CLVS1: variants seen among roughly 807,000 people sequenced by gnomAD.
CLVS1 encodes clavesin 1, also known as clavesin-1.
Under a neutral mutation model 33.1 loss-of-function variants are expected in CLVS1, and 10 were observed. The ratio of observed to expected loss-of-function variants is 0.30; its 90% CI spans 0.19 to 0.51. CLVS1 has a LOEUF of 0.51. CLVS1 is among the 20% of genes least tolerant of loss of function. CLVS1 has a pLI of 0.97. For synonymous variants in CLVS1, 163 were observed against 166.1 expected (o/e 0.98, Z 0.14); for missense variants, 343 against 433.4 (o/e 0.79, Z 1.85).
chr8:61,013,599 A>G, the CLVS1 span, among the ~76,000 whole-genome samples: 1 of 152,220 alleles, frequency 6.6e-6, no homozygotes, highest in South Asian at 2.1e-4. Flanking sequence ...ATAAAAGATC[A>G]TACATTGATA....
At chr8:61,435,336 C>T (rs1336438297) in intron 3 of CLVS1, among the ~76,000 whole-genome samples, 1 of 152,158 alleles carries the variant, frequency 6.6e-6, no homozygotes, top group African/African-American at 2.4e-5. Context: ...ACTTCTGCTT[C>T]CTTCTCTTTG....
intron 2 of CLVS1, among the ~76,000 whole-genome samples, chr8:61,312,774 G>T (rs894803155): frequency 5.9e-5 from 9 of 152,062 alleles, no homozygotes; most frequent in African/African-American, 4.8e-5. Flanking sequence ...CGACAAAATC[G>T]CAAAGCTCGT....
At chr8:60,965,011 A>AT in the CLVS1 span, among the ~76,000 whole-genome samples, 1 of 152,268 alleles carries the variant, frequency 6.6e-6, no homozygotes, top group East Asian at 1.9e-4. Flanking sequence ...ATAGCTTCAT[A>AT]GATTCATGGG....
At chr8:60,979,211 G>A in the CLVS1 span, among the ~76,000 whole-genome samples, 1 of 152,184 alleles carries the variant, frequency 6.6e-6, no homozygotes, top group East Asian at 1.9e-4. Context: ...TATCTATAAA[G>A]GGGGGTTGTT....
chr8:61,343,980 T>C (rs1812114643), intron 2 of CLVS1, among the ~76,000 whole-genome samples: 1 of 152,188 alleles, frequency 6.6e-6, no homozygotes, highest in Non-Finnish European at 1.5e-5. Flanking sequence ...TACATACATA[T>C]ACACACATTC....
intron 2 of CLVS1, among the ~76,000 whole-genome samples, chr8:61,311,353 C>G (rs1172470409): frequency 6.6e-6 from 1 of 152,230 alleles, no homozygotes. Context: ...CAGATATACT[C>G]TACCACTCAC....
intron 2 of CLVS1, among the ~76,000 whole-genome samples, chr8:61,364,527 T>G (rs1171804359): frequency 6.6e-6 from 1 of 152,230 alleles, no homozygotes; most frequent in African/African-American, 2.4e-5. Flanking sequence ...AGCTCATTCC[T>G]TTTAATATTT....
intron 2 of CLVS1, among the ~76,000 whole-genome samples, chr8:61,152,815 G>A (rs1423031397): frequency 1.3e-5 from 2 of 152,200 alleles, no homozygotes; most frequent in Admixed American, 1.3e-4. Context: ...GGGGTTAGGG[G>A]TTCAATATAT....
At chr8:60,972,779 A>G in the CLVS1 span, among the ~76,000 whole-genome samples, 1 of 152,198 alleles carries the variant, frequency 6.6e-6, no homozygotes, top group African/African-American at 2.4e-5. Flanking sequence ...CCCCATGCCC[A>G]TCAAGCAATC....
intron 1 of CLVS1, among the ~76,000 whole-genome samples, chr8:61,105,687 A>G (rs1805520839): frequency 6.6e-6 from 1 of 152,158 alleles, no homozygotes. Context: ...GTATCATTGT[A>G]TTCTCTTTTC....
At chr8:61,112,767 C>G (rs181766280) in intron 1 of CLVS1, among the ~76,000 whole-genome samples, 9 of 151,994 alleles carry the variant, frequency 5.9e-5, no homozygotes, top group Non-Finnish European at 1.3e-4. Flanking sequence ...CTTGTGCCAC[C>G]AGCAGATGAC....
At chr8:61,033,051 GAA>G in the CLVS1 span, among the ~76,000 whole-genome samples, 1 of 87,614 alleles carries the variant, frequency 1.1e-5, no homozygotes, top group Non-Finnish European at 2.7e-5. Context: ...GAAAGAAAAA[GAA>G]AGAAAGATAG....
At chr8:61,185,939 C>T (rs987358572) in intron 2 of CLVS1, among the ~76,000 whole-genome samples, 2 of 152,172 alleles carry the variant, frequency 1.3e-5, no homozygotes, top group African/African-American at 2.4e-5. Context: ...GTTTCCAAAT[C>T]TTGTTTCCTC....
rs1257452712 is a variant in CLVS1, at chr8:61,499,875, A to AT, written c.*338dup. 2.1e-5 allele frequency: 4 copies of AT among 189,528 alleles called. No individual in the cohort carries two copies. In the Admixed American group the frequency reaches 2.2e-4, roughly 10 times the overall value. 11.7% of individuals were successfully genotyped at this position (189,528 alleles called of 1,614,324 possible). ...ATGGACACACTGCATTAGGACAAGA[A>AT]TTTTTCTGAGGTATCACACAGGGAC... is the stretch of plus-strand genomic sequence containing the variant. On this transcript the variant is annotated 3_prime_UTR_variant, in exon 6 of 6. Transcript: ENST00000325897.
At chr8:61,044,044 C>G in the CLVS1 span, among the ~76,000 whole-genome samples, 5 of 152,172 alleles carry the variant, frequency 3.3e-5, no homozygotes, top group Non-Finnish European at 5.9e-5. Flanking sequence ...ATTTCTGATT[C>G]ATTTATCAAG....
intron 3 of CLVS1, among the ~76,000 whole-genome samples, chr8:61,403,515 G>A (rs1360233937): frequency 2.0e-5 from 3 of 152,114 alleles, no homozygotes; most frequent in Non-Finnish European, 2.9e-5. Flanking sequence ...AGATTGGGAT[G>A]GAAACAGTGA....
chr8:61,457,774 C>CA, intron 4 of CLVS1, among the ~76,000 whole-genome samples: 1 of 152,200 alleles, frequency 6.6e-6, no homozygotes, highest in South Asian at 2.1e-4. Flanking sequence ...AACAAACAAA[C>CA]AAACAAAAAC....
chr8:61,105,180 T>C (rs894129908), intron 1 of CLVS1, among the ~76,000 whole-genome samples: 4 of 152,248 alleles, frequency 2.6e-5, no homozygotes, highest in Non-Finnish European at 5.9e-5. Flanking sequence ...TTTTTAAATA[T>C]AGACTTTCTT....
chr8:61,295,292 G>A (rs1810154475), intron 1 of CLVS1, among the ~76,000 whole-genome samples: 1 of 152,156 alleles, frequency 6.6e-6, no homozygotes, highest in East Asian at 1.9e-4. Flanking sequence ...CACCATGCTT[G>A]GCATTCTGCT....
Sources: allele counts gnomAD v4.1 joint callset (sites outside exome capture counted in the v4.1 genomes callset), GRCh38; gene constraint gnomAD v4.1.1; transcripts MANE v1.5; gene names NCBI Gene and HGNC (gene_info 2026-07-23, HGNC 2026-07-21).